The following ITFG1 variants were observed in gnomAD, a reference collection of about 807,000 sequenced individuals.
ITFG1 encodes integrin alpha FG-GAP repeat containing 1.
ITFG1 carries 34 observed loss-of-function variants against 81.8 expected under a neutral mutation model. The ratio of observed to expected loss-of-function variants is 0.42; its 90% confidence interval spans 0.32 to 0.55. ITFG1 has a LOEUF of 0.55. Ranked by LOEUF, ITFG1 falls within the 20% of genes least tolerant of loss-of-function variation. The pLI, the probability that ITFG1 is intolerant of heterozygous loss-of-function variation, is 0.17. For missense variants in ITFG1, 672 were observed against 755.4 expected, an observed-to-expected ratio of 0.89 and a Z score of 1.29; for synonymous variants, 285 against 270.6, an observed-to-expected ratio of 1.05 and a Z score of -0.52.
At chr16:47,291,860 T>A (rs540398825) in intron 10 of ITFG1, among the ~76,000 whole-genome samples, 1 of 152,332 alleles carries the variant, frequency 6.6e-6, no homozygotes, top group Admixed American at 6.5e-5. Context: ...GTATTGTTTT[T>A]ATGAGACTGT....
Position 47,352,806 on chromosome 16 carries a change from C to G in ITFG1, c.802+12982G>C, listed in dbSNP as rs557437562. Among the ~76,000 whole-genome samples the G allele has an allele frequency of 1.7e-3, 254 of 152,268 alleles. 2 individuals are homozygous for G. The highest frequency in any genetic ancestry group is 2.4e-3 in the Non-Finnish European group (166 of 68,020). ...CACAATAGCAAAGACTTGGAACCAA[C>G]CCAAATGTCCAACAATGACAGACTG... On this transcript the variant is annotated intron_variant, in intron 8 of 17. Coordinates refer to ENST00000320640, the MANE Select transcript of ITFG1 (RefSeq NM_030790.5).
At chr16:47,418,455 T>C (rs1472444855) in intron 6 of ITFG1, among the ~76,000 whole-genome samples, 1 of 152,168 alleles carries the variant, frequency 6.6e-6, no homozygotes, top group African/African-American at 2.4e-5. Context: ...TTTGAACTCC[T>C]AGCCATAAAA....
chr16:47,437,131 T>C (rs139695967), intron 5 of ITFG1, among the ~76,000 whole-genome samples: 123 of 152,244 alleles, frequency 8.1e-4, no homozygotes, highest in African/African-American at 2.6e-3. Flanking sequence ...TATTCTTAGT[T>C]TTTTAGGTGT....
chr16:47,156,957 GGAATGGAAAGGGGAGA>G (rs919718109), intron 17 of ITFG1, among the ~76,000 whole-genome samples: 24 of 152,166 alleles, frequency 1.6e-4, no homozygotes, highest in East Asian at 5.8e-4. Flanking sequence ...TGTGCTAAAT[GGAATGGAAAGGGGAGA>G]GAATGGAAAG....
chr16:47,357,340 C>T (rs760476597), intron 8 of ITFG1, among the ~76,000 whole-genome samples: 13 of 151,906 alleles, frequency 8.6e-5, no homozygotes, highest in Non-Finnish European at 1.6e-4. Flanking sequence ...TGCGGCTGGG[C>T]GCAGTGGCTC....
At chr16:47,421,247 TACACAC>T (rs1398900142) in intron 6 of ITFG1, among the ~76,000 whole-genome samples, 1 of 150,432 alleles carries the variant, frequency 6.6e-6, no homozygotes, top group Non-Finnish European at 1.5e-5. Context: ...TATGTATATA[TACACAC>T]ATATATACAT....
chr16:47,262,106 G>A (rs747697283), intron 10 of ITFG1, among the ~76,000 whole-genome samples: 69 of 152,132 alleles, frequency 4.5e-4, no homozygotes, highest in African/African-American at 1.5e-3. Flanking sequence ...AGAAACCAAT[G>A]TACCAAATAT....
At chr16:47,195,467 C>A (rs1467572952) in intron 14 of ITFG1, among the ~76,000 whole-genome samples, 1 of 152,180 alleles carries the variant, frequency 6.6e-6, no homozygotes, top group Non-Finnish European at 1.5e-5. Flanking sequence ...TCACCTAGTA[C>A]ACTGCTACTA....
Position 47,432,236 on chromosome 16 carries a change from G to A in ITFG1, c.561-3338C>T, listed in dbSNP as rs9940097. On this transcript the variant is annotated intron_variant, in intron 5 of 17. Coordinates refer to ENST00000320640, the MANE Select transcript of ITFG1 (RefSeq NM_030790.5). Reference sequence around the variant, plus strand: ...ACCGTTTTCATAGTAATATGTTCCAGTCCAATATGAAACCACAGATATGTC... The same window carrying A: ...ACCGTTTTCATAGTAATATGTTCCAATCCAATATGAAACCACAGATATGTC... Among the ~76,000 whole-genome samples, 755 of 152,240 alleles carry A rather than the reference G, an allele frequency of 5.0e-3. 8 individuals are homozygous for A. The highest frequency in any genetic ancestry group is 0.017 in the African/African-American group (712 of 41,534).
chr16:47,364,936 AC>A (rs1372440869), intron 8 of ITFG1, among the ~76,000 whole-genome samples: 1 of 152,232 alleles, frequency 6.6e-6, no homozygotes, highest in Non-Finnish European at 1.5e-5. Context: ...AAACAGTCCT[AC>A]CAAGTAGCTC....
At chr16:47,426,895 T>C (rs999401697) in intron 6 of ITFG1, among the ~76,000 whole-genome samples, 8 of 152,324 alleles carry the variant, frequency 5.3e-5, no homozygotes, top group African/African-American at 1.9e-4. Flanking sequence ...CCACTAGGCC[T>C]GCTTTACTCA....
chr16:47,386,251 A>G (rs1438994640), intron 6 of ITFG1, among the ~76,000 whole-genome samples: 1 of 152,208 alleles, frequency 6.6e-6, no homozygotes, highest in Admixed American at 6.5e-5. Context: ...TTTATTCAAG[A>G]AAATATACTG....
rs763308784 is a variant in ITFG1, at chr16:47,155,681, A to T, written c.*38T>A. ...CCAGAATTTGTGTTTCAACTAATCA[A>T]GTGAACAGCCATTCCATTATGTAAT... is the stretch of plus-strand genomic sequence containing the variant. On this transcript the variant is annotated 3_prime_UTR_variant, in exon 18 of 18. Coordinates refer to ENST00000320640, the MANE Select transcript of ITFG1 (RefSeq NM_030790.5). The T allele has an allele frequency of 7.1e-7, 1 of 1,409,074 alleles. No homozygotes were observed. The highest frequency in any genetic ancestry group is 1.3e-5 in the South Asian group (1 of 79,984). 87.3% of individuals were successfully genotyped at this position (1,409,074 alleles called of 1,614,324 possible).
In ITFG1 at chr16:47,155,337, T is replaced by C. The variant is rs1964686426; in HGVS notation, c.*382A>G. On this transcript the variant is annotated 3_prime_UTR_variant, in exon 18 of 18. Coordinates refer to ENST00000320640, the MANE Select transcript of ITFG1 (RefSeq NM_030790.5). Reference sequence around the variant, plus strand: ...TTCACAAAAGTATAATTTGCATCATTAGAATAAGAAGCAAGACCAAGTCAA... The same window carrying C: ...TTCACAAAAGTATAATTTGCATCATCAGAATAAGAAGCAAGACCAAGTCAA... 6.3e-6 allele frequency: 1 copy of C among 158,598 alleles called. No homozygotes were observed. 9.8% of individuals were successfully genotyped at this position (158,598 alleles called of 1,614,324 possible). A position where few individuals can be genotyped will look rare whatever the true frequency, so the allele number is the denominator to read the frequency against.
chr16:47,171,472 T>C (rs1295155787), intron 14 of ITFG1, among the ~76,000 whole-genome samples: 3 of 152,230 alleles, frequency 2.0e-5, no homozygotes. Flanking sequence ...TCAATTTTGT[T>C]GATCTTTTCA....
At chr16:47,213,175 T>C (rs553396447) in intron 14 of ITFG1, among the ~76,000 whole-genome samples, 33 of 152,338 alleles carry the variant, frequency 2.2e-4, no homozygotes, top group South Asian at 4.1e-4. Context: ...TATTTAGAAA[T>C]AAGATGTTTA....
At chr16:47,283,831 A>G (rs1440895653) in intron 10 of ITFG1, among the ~76,000 whole-genome samples, 1 of 152,230 alleles carries the variant, frequency 6.6e-6, no homozygotes, top group Non-Finnish European at 1.5e-5. Flanking sequence ...CCTTTCTACA[A>G]TATTGTGTCA....
At chr16:47,292,792 G>C (rs1269403904) in intron 10 of ITFG1, among the ~76,000 whole-genome samples, 1 of 151,808 alleles carries the variant, frequency 6.6e-6, no homozygotes, top group East Asian at 1.9e-4. Context: ...CCTTGCTGGT[G>C]AAAAAGACAT....
rs187760051 is a variant in ITFG1, at chr16:47,372,249, A to C, written c.720+3627T>G. Among the ~76,000 whole-genome samples, 431 of 152,036 alleles carry C rather than the reference A, an allele frequency of 2.8e-3. 1 individual carries two copies. Among genetic ancestry groups the C allele is most frequent in the Non-Finnish European group, 3.0e-3 (207 of 67,988 alleles). On this transcript the variant is annotated intron_variant, in intron 7 of 17. Coordinates refer to ENST00000320640, the MANE Select transcript of ITFG1 (RefSeq NM_030790.5). ...GTCTCTGTTTTTTGCTTTTTTAAAAAAATTTTTAATATAGAGATGAGGTCT... is the reference window on the plus strand; with the variant it reads ...GTCTCTGTTTTTTGCTTTTTTAAAACAATTTTTAATATAGAGATGAGGTCT...
Sources: allele counts gnomAD v4.1 joint callset (sites outside exome capture counted in the v4.1 genomes callset), GRCh38; gene constraint gnomAD v4.1.1; transcripts MANE v1.5; gene names NCBI Gene and HGNC (gene_info 2026-07-23, HGNC 2026-07-21).